The following LMX1A variants were observed in gnomAD, a reference collection of about 807,000 sequenced individuals.
LMX1A encodes the protein LIM homeobox transcription factor 1-alpha.
Under a neutral mutation model 49.1 loss-of-function variants are expected in LMX1A, and 15 were observed. That is an observed-to-expected ratio of 0.31 (90% CI 0.20 to 0.47). The LOEUF (loss-of-function observed/expected upper bound fraction) is 0.47. Among genes scored for constraint, LMX1A ranks in the 20% least tolerant of loss-of-function variants. The pLI, the probability that LMX1A is intolerant of heterozygous loss-of-function variation, is 1.00. For missense variants in LMX1A, 372 were observed against 475.8 expected (o/e 0.78, Z 2.03); for synonymous variants, 167 against 185.7 (o/e 0.90, Z 0.82).
At chr1:165,227,688 T>C (rs1297327096) in intron 4 of LMX1A, among the ~76,000 whole-genome samples, 1 of 152,186 alleles carries the variant, frequency 6.6e-6, no homozygotes, top group Non-Finnish European at 1.5e-5. Context: ...TTTCCCCAAA[T>C]TTCAGCTTCC....
intron 3 of LMX1A, among the ~76,000 whole-genome samples, chr1:165,267,895 A>T (rs1410456286): frequency 6.6e-6 from 1 of 152,214 alleles, no homozygotes; most frequent in Non-Finnish European, 1.5e-5. Context: ...CAGAGTAAAC[A>T]TCTCTTTCAA....
intron 3 of LMX1A, among the ~76,000 whole-genome samples, chr1:165,271,558 T>C (rs1653793609): frequency 6.6e-6 from 1 of 152,170 alleles, no homozygotes; most frequent in South Asian, 2.1e-4. Context: ...CTATAGCTAA[T>C]CGAAGTACAT....
At chr1:165,287,365 G>A (rs979653043) in intron 3 of LMX1A, among the ~76,000 whole-genome samples, 3 of 152,078 alleles carry the variant, frequency 2.0e-5, no homozygotes, top group Non-Finnish European at 2.9e-5. Context: ...ATTGGAGCTC[G>A]GACTACACCT....
chr1:165,347,899 T>C (rs751680315), intron 3 of LMX1A, among the ~76,000 whole-genome samples: 30 of 152,212 alleles, frequency 2.0e-4, no homozygotes, highest in Non-Finnish European at 5.9e-5. Flanking sequence ...AAAGAAAAAT[T>C]AGCTGATAAT....
At chr1:165,315,384 G>T (rs562609884) in intron 3 of LMX1A, among the ~76,000 whole-genome samples, 1 of 152,242 alleles carries the variant, frequency 6.6e-6, no homozygotes, top group South Asian at 2.1e-4. Context: ...TCCAACCTTG[G>T]TTTAAAGCCC....
chr1:165,319,426 C>A (rs1238767584), intron 3 of LMX1A, among the ~76,000 whole-genome samples: 1 of 151,978 alleles, frequency 6.6e-6, no homozygotes, highest in East Asian at 1.9e-4. Flanking sequence ...ACAGAGAAAT[C>A]GAACCTTTAA....
rs188047805 is a variant in LMX1A at position 165,315,246 on chromosome 1, A to G, written c.263+37830T>C. Reference sequence around the variant, plus strand: ...GGGGATGTCCCCACGAACCACATCTACAACTCCCCTCTGGCCACTCCCTCC... The same window carrying G: ...GGGGATGTCCCCACGAACCACATCTGCAACTCCCCTCTGGCCACTCCCTCC... On this transcript the variant is annotated intron_variant, in intron 3 of 8. Coordinates refer to ENST00000342310, the MANE Select transcript of LMX1A (RefSeq NM_177398.4). Among the ~76,000 whole-genome samples the G allele has an allele frequency of 7.2e-5, 11 of 152,300 alleles. No homozygotes were observed. The East Asian group carries it at 2.1e-3, about 29-fold the overall frequency.
intron 4 of LMX1A, among the ~76,000 whole-genome samples, chr1:165,245,355 A>T (rs1652809990): frequency 6.6e-6 from 1 of 152,154 alleles, no homozygotes; most frequent in Non-Finnish European, 1.5e-5. Context: ...TTTATTTCCC[A>T]TAAAGGCAAT....
At chr1:165,291,092 G>T (rs78101150) in intron 3 of LMX1A, among the ~76,000 whole-genome samples, 2,576 of 152,274 alleles carry the variant, frequency 0.017, 43 homozygotes, top group Middle Eastern at 0.024. Flanking sequence ...TAAGATCTAA[G>T]ATTATTACCA....
At chr1:165,230,998 A>G (rs1045808400) in intron 4 of LMX1A, among the ~76,000 whole-genome samples, 28 of 152,230 alleles carry the variant, frequency 1.8e-4, no homozygotes, top group African/African-American at 6.5e-4. Flanking sequence ...AACACTCTGA[A>G]TATTTGTTAA....
chr1:165,293,241 C>T (rs1654527427), intron 3 of LMX1A, among the ~76,000 whole-genome samples: 1 of 152,214 alleles, frequency 6.6e-6, no homozygotes, highest in South Asian at 2.1e-4. Context: ...ACTGAGTGTT[C>T]CTTCAATTTG....
At chr1:165,212,594 G>A (rs1651456127) in intron 5 of LMX1A, among the ~76,000 whole-genome samples, 1 of 151,818 alleles carries the variant, frequency 6.6e-6, no homozygotes, top group Non-Finnish European at 1.5e-5. Flanking sequence ...TTTTCAAAAT[G>A]TATTTCCTTT....
At chr1:165,303,986 G>A (rs1158841088) in intron 3 of LMX1A, among the ~76,000 whole-genome samples, 1 of 151,476 alleles carries the variant, frequency 6.6e-6, no homozygotes, top group East Asian at 1.9e-4. Context: ...TTCATCTAAG[G>A]TGCACAAACC....
chr1:165,259,269 A>G (rs1488680455), intron 3 of LMX1A, among the ~76,000 whole-genome samples: 3 of 152,196 alleles, frequency 2.0e-5, no homozygotes, highest in Non-Finnish European at 4.4e-5. Flanking sequence ...CTGAGGGTAC[A>G]TCTCATTCAG....
chr1:165,306,885 C>CCCT (rs1438107547), intron 3 of LMX1A, among the ~76,000 whole-genome samples: 1 of 152,244 alleles, frequency 6.6e-6, no homozygotes, highest in Non-Finnish European at 1.5e-5. Flanking sequence ...CGCCATACCA[C>CCCT]CCTCCTCCGC....
intron 3 of LMX1A, among the ~76,000 whole-genome samples, chr1:165,323,346 C>A (rs1642734822): frequency 6.6e-6 from 1 of 152,158 alleles, no homozygotes; most frequent in Admixed American, 6.5e-5. Flanking sequence ...GTTTCCCAAG[C>A]TTCAGGAATT....
At chr1:165,301,667 G>C (rs1032459887) in intron 3 of LMX1A, among the ~76,000 whole-genome samples, 13 of 152,178 alleles carry the variant, frequency 8.5e-5, no homozygotes, top group Admixed American at 8.5e-4. Flanking sequence ...ATGACAGCCA[G>C]GTTCCAAGAT....
At chr1:165,219,815 G>T (rs1240003138) in intron 4 of LMX1A, among the ~76,000 whole-genome samples, 1 of 152,220 alleles carries the variant, frequency 6.6e-6, no homozygotes, top group Non-Finnish European at 1.5e-5. Flanking sequence ...ACAATCCTAG[G>T]ATCCAGGGAT....
chr1:165,240,674 C>T (rs1253483861), intron 4 of LMX1A, among the ~76,000 whole-genome samples: 1 of 152,144 alleles, frequency 6.6e-6, no homozygotes, highest in Non-Finnish European at 1.5e-5. Flanking sequence ...GCTAGCAGGC[C>T]TACTTAGGAA....
Sources: gnomAD v4.1 joint callset for allele counts (sites outside exome capture counted in the v4.1 genomes callset) on GRCh38, gnomAD v4.1.1 for gene constraint, MANE v1.5 for transcripts, NCBI Gene and HGNC (gene_info 2026-07-23, HGNC 2026-07-21) for gene names.